Variants in ISOC1 observed in about 807,000 individuals in gnomAD.
ISOC1 encodes the protein isochorismatase domain containing 1, also known as isochorismatase domain-containing protein 1.
A neutral mutation model predicts 30.0 loss-of-function variants in ISOC1; 33 were observed. That is an observed-to-expected ratio of 1.10 (90% CI 0.83 to 1.47). ISOC1 has a LOEUF of 1.47. Among genes scored for constraint, ISOC1 ranks in the 40% most tolerant of loss-of-function variants. The probability of loss-of-function intolerance (pLI) is 0.00; values close to 1 mark genes in which losing one functional copy is unlikely to be tolerated. For synonymous variants in ISOC1, 178 were observed against 159.8 expected (o/e 1.11, Z -0.86); for missense variants, 372 against 388.0 (o/e 0.96, Z 0.35).
At chr5:129,101,100 G>A (rs533886008) in intron 1 of ISOC1, among the ~76,000 whole-genome samples, 17 of 120,962 alleles carry the variant, frequency 1.4e-4, no homozygotes, top group Non-Finnish European at 2.1e-4. Flanking sequence ...TCGACCTCCC[G>A]TTCTCAGAGG....
chr5:129,106,851 G>T, intron 3 of ISOC1, 95 bp from the exon 4 acceptor site: 1 of 812,230 alleles, frequency 1.2e-6, no homozygotes, highest in Non-Finnish European at 2.1e-6. Flanking sequence ...TAGATGATCT[G>T]TAGTGCTCTG....
chr5:129,099,716 A>G (rs1170022112), intron 1 of ISOC1, among the ~76,000 whole-genome samples: 2 of 152,184 alleles, frequency 1.3e-5, no homozygotes. Flanking sequence ...ATTTATCCTC[A>G]TTAGAGGGTA....
chr5:129,112,919 A>T lies in ISOC1; in HGVS notation c.815A>T (p.Asp272Val). The T allele has an allele frequency of 6.2e-7, 1 of 1,613,854 alleles. No homozygotes were observed. Among genetic ancestry groups the T allele is most frequent in the Non-Finnish European group, 8.5e-7 (1 of 1,179,808 alleles). The change falls in exon 5 of 5, where the codon GAT becomes GTT. Residue 272 changes from aspartate (D) to valine (V), a missense_variant. Transcript: ENST00000173527. ...GCTGTTCTGCTTCAGCTGGTAGCTG[A>T]TAAGGACCATCCAAAATTCAAGGAA... is the stretch of plus-strand genomic sequence containing the variant. ...SEAVLLQLVA[D>V]KDHPKFKEIQ...
At chr5:129,101,411 G>T (rs113817553) in intron 1 of ISOC1, among the ~76,000 whole-genome samples, 10 of 151,714 alleles carry the variant, frequency 6.6e-5, no homozygotes, top group African/African-American at 2.2e-4. Flanking sequence ...CACAAGAATC[G>T]CTTGAACCAG....
At chr5:129,101,019 T>G (rs979685442) in intron 1 of ISOC1, among the ~76,000 whole-genome samples, 1 of 144,552 alleles carries the variant, frequency 6.9e-6, no homozygotes, top group African/African-American at 2.6e-5. Flanking sequence ...TCCCTATTGT[T>G]TTTGTTTGTT....
intron 4 of ISOC1, among the ~76,000 whole-genome samples, chr5:129,108,320 G>T (rs73235859): frequency 0.066 from 10,085 of 152,182 alleles, 650 homozygotes; most frequent in African/African-American, 0.17. Context: ...GCCACAGCAG[G>T]TGTTTTAGGG....
At position 129,095,079 on chromosome 5, in the gene ISOC1, G is replaced by A; in HGVS notation, c.309+4G>A. Reference sequence around the variant, plus strand: ...CCTCGTGCCGTTGCAGATCCAGGTGGGTCCTGCGGGAGGCCGCGCGCTTCC... The same window carrying A: ...CCTCGTGCCGTTGCAGATCCAGGTGAGTCCTGCGGGAGGCCGCGCGCTTCC... On this transcript the variant is annotated splice_donor_region_variant and intron_variant, in intron 1 of 4. Transcript: ENST00000173527. The A allele has an allele frequency of 6.5e-7, 1 of 1,549,772 alleles. No individual in the cohort carries two copies. Among genetic ancestry groups the A allele is most frequent in the Non-Finnish European group, 8.7e-7 (1 of 1,152,356 alleles).
rs1318031206 is a variant in ISOC1, at chr5:129,100,129, C to A, written c.310-4827C>A. 5.9e-5 allele frequency among the ~76,000 whole-genome samples: 9 copies of A among 152,318 alleles called. No homozygotes were observed. In the East Asian group the frequency reaches 1.2e-3, roughly 20 times the overall value. On this transcript the variant is annotated intron_variant, in intron 1 of 4. Coordinates refer to ENST00000173527, the MANE Select transcript of ISOC1 (RefSeq NM_016048.2). ...GTGAAATAACGATGCCCCAGGTCCC[C>A]TTCCAGACTTTCTCCCAAACAGATC...
chr5:129,105,593 CTAAA>C (rs2150171442), intron 3 of ISOC1, among the ~76,000 whole-genome samples: 1 of 152,196 alleles, frequency 6.6e-6, no homozygotes, highest in South Asian at 2.1e-4. Context: ...CAAGTAAGAG[CTAAA>C]TACTCAGTAG....
At chr5:129,096,490 C>T (rs530981719) in intron 1 of ISOC1, among the ~76,000 whole-genome samples, 1 of 152,310 alleles carries the variant, frequency 6.6e-6, no homozygotes, top group South Asian at 2.1e-4. Context: ...AGAGACTGCA[C>T]TCTCTGCCAG....
At chr5:129,106,141 C>T (rs1423901817) in intron 3 of ISOC1, among the ~76,000 whole-genome samples, 1 of 152,136 alleles carries the variant, frequency 6.6e-6, no homozygotes, top group Non-Finnish European at 1.5e-5. Flanking sequence ...CTGTTGCTGG[C>T]TTTGCACCTT....
At chr5:129,111,049 A>G (rs1460527238) in intron 4 of ISOC1, among the ~76,000 whole-genome samples, 1 of 152,150 alleles carries the variant, frequency 6.6e-6, no homozygotes, top group Non-Finnish European at 1.5e-5. Flanking sequence ...ACTGCAGCTT[A>G]TCATATTTAT....
chr5:129,108,303 G>T (rs183482820), intron 4 of ISOC1, among the ~76,000 whole-genome samples: 1 of 152,182 alleles, frequency 6.6e-6, no homozygotes, highest in Non-Finnish European at 1.5e-5. Context: ...AAGCAGGCAG[G>T]TAGCTGGCCA....
At chr5:129,099,600 G>A (rs1470192655) in intron 1 of ISOC1, among the ~76,000 whole-genome samples, 1 of 152,174 alleles carries the variant, frequency 6.6e-6, no homozygotes, top group Non-Finnish European at 1.5e-5. Flanking sequence ...ATCACTTTAT[G>A]ATTCACTTTC....
chr5:129,113,040 A>G lies in ISOC1; in HGVS notation c.*39A>G. On this transcript the variant is annotated 3_prime_UTR_variant, in exon 5 of 5. Coordinates refer to ENST00000173527, the MANE Select transcript of ISOC1 (RefSeq NM_016048.2). ...CTGGTATGCTACTCACTGGTGAAGGACAGTCAGGTGAAGGACTGTAAGCCC... is the reference window on the plus strand; with the variant it reads ...CTGGTATGCTACTCACTGGTGAAGGGCAGTCAGGTGAAGGACTGTAAGCCC... 1 of 1,578,576 alleles carries G rather than the reference A, an allele frequency of 6.3e-7. No individual in the cohort carries two copies. Among genetic ancestry groups the G allele is most frequent in the Non-Finnish European group, 8.6e-7 (1 of 1,160,162 alleles).
intron 4 of ISOC1, among the ~76,000 whole-genome samples, chr5:129,108,190 T>G (rs1753661087): frequency 6.6e-6 from 1 of 152,160 alleles, no homozygotes; most frequent in Non-Finnish European, 1.5e-5. Flanking sequence ...ACTCATCCCT[T>G]TAGCCTACTG....
Position 129,111,252 on chromosome 5 carries a change from C to G in ISOC1, c.751-1603C>G, listed in dbSNP as rs147923496. 4.0e-3 allele frequency among the ~76,000 whole-genome samples: 601 copies of G among 152,150 alleles called. 2 individuals are homozygous for G. Among genetic ancestry groups the G allele is most frequent in the African/African-American group, 0.014 (579 of 41,490 alleles). On this transcript the variant is annotated intron_variant, in intron 4 of 4. Transcript: ENST00000173527. Reference sequence around the variant, plus strand: ...GCCTTACTCCAGGCCCCCAACCCCCCCATAAATAGCTGCTGTTTTTGTTTT... The same window carrying G: ...GCCTTACTCCAGGCCCCCAACCCCCGCATAAATAGCTGCTGTTTTTGTTTT...
chr5:129,095,024 C>A lies in ISOC1; in HGVS notation c.258C>A (p.Gly86=), dbSNP rs759632921. The A allele has an allele frequency of 8.7e-6, 14 of 1,600,722 alleles. No individual in the cohort carries two copies. The highest frequency in any genetic ancestry group is 1.2e-5 in the Non-Finnish European group (14 of 1,175,824). ...EWGQYVDLPK[G]FAVSERCKVR... ...GCCAGTACGTGGACTTGCCCAAGGG[C>A]TTCGCGGTGAGCGAGCGCTGCAAGG... The change falls in exon 1 of 5, where the codon GGC becomes GGA. Residue 86 remains glycine (G), a synonymous_variant. Coordinates refer to ENST00000173527, the MANE Select transcript of ISOC1 (RefSeq NM_016048.2).
At position 129,094,759 on chromosome 5, in the gene ISOC1, G is replaced by C. The variant is rs1360091823; in HGVS notation, c.-8G>C. On this transcript the variant is annotated 5_prime_UTR_variant, in exon 1 of 5. Coordinates refer to ENST00000173527, the MANE Select transcript of ISOC1 (RefSeq NM_016048.2). ...GCGGCCTCGGAGCTCGCAGACGCTCGGGGGAACATGGCGGCTGCGGAGCCG... is the reference window on the plus strand; with the variant it reads ...GCGGCCTCGGAGCTCGCAGACGCTCCGGGGAACATGGCGGCTGCGGAGCCG... 1.4e-6 allele frequency: 2 copies of C among 1,469,588 alleles called. No homozygotes were observed. Among genetic ancestry groups the C allele is most frequent in the Non-Finnish European group, 1.8e-6 (2 of 1,114,842 alleles). 91.0% of individuals were successfully genotyped at this position (1,469,588 alleles called of 1,614,324 possible).
Sources: allele counts gnomAD v4.1 joint callset (sites outside exome capture counted in the v4.1 genomes callset), GRCh38; gene constraint gnomAD v4.1.1; transcripts MANE v1.5; gene names NCBI Gene and HGNC (gene_info 2026-07-23, HGNC 2026-07-21).